ATP8A2: variants seen among roughly 807,000 people sequenced by gnomAD.
ATP8A2 encodes the protein ATPase phospholipid transporting 8A2.
A neutral mutation model predicts 165.6 loss-of-function variants in ATP8A2; 100 were observed. The observed-to-expected ratio is 0.60, with a 90% confidence interval of 0.51 to 0.71. The LOEUF (loss-of-function observed/expected upper bound fraction) is 0.71. Among genes scored for constraint, ATP8A2 ranks in the 30% least tolerant of loss-of-function variants. The pLI, the probability that ATP8A2 is intolerant of heterozygous loss-of-function variation, is 0.00. For missense variants in ATP8A2, 1,227 were observed against 1,479.5 expected (o/e 0.83, Z 2.80); for synonymous variants, 543 against 548.8 (o/e 0.99, Z 0.15).
intron 1 of ATP8A2, among the ~76,000 whole-genome samples, chr13:25,465,692 TTTC>T (rs1566153104): frequency 2.1e-3 from 38 of 18,450 alleles, no homozygotes; most frequent in Non-Finnish European, 4.3e-3. Context: ...TCTTTCTTTC[TTTC>T]TTTCTTTCTT....
At chr13:26,004,991 G>A (rs1956711491) in intron 35 of ATP8A2, among the ~76,000 whole-genome samples, 1 of 151,914 alleles carries the variant, frequency 6.6e-6, no homozygotes, top group Admixed American at 6.6e-5. Context: ...GGGTAATGCT[G>A]ACTTTGTAAA....
intron 33 of ATP8A2, among the ~76,000 whole-genome samples, chr13:25,892,105 A>G (rs1183137310): frequency 4.0e-5 from 6 of 151,410 alleles, no homozygotes; most frequent in Admixed American, 3.3e-4. Flanking sequence ...CCTCCCGAGT[A>G]ACTGGGACTA....
At chr13:25,912,476 C>A (rs981294861) in intron 33 of ATP8A2, among the ~76,000 whole-genome samples, 1 of 151,992 alleles carries the variant, frequency 6.6e-6, no homozygotes, top group African/African-American at 2.4e-5. Flanking sequence ...ATATATTATA[C>A]AGAGTAGTGA....
intron 2 of ATP8A2, among the ~76,000 whole-genome samples, chr13:25,502,773 A>G (rs1403924506): frequency 6.6e-6 from 1 of 152,176 alleles, no homozygotes; most frequent in East Asian, 1.9e-4. Flanking sequence ...TGTACTTGGC[A>G]CTGCACGATG....
chr13:25,986,019 T>G (rs548052029), intron 35 of ATP8A2, among the ~76,000 whole-genome samples: 12 of 152,312 alleles, frequency 7.9e-5, no homozygotes, highest in African/African-American at 2.6e-4. Flanking sequence ...TGCATTCAGT[T>G]TTTGGAGGAT....
At chr13:25,727,971 C>G (rs1292476390) in intron 25 of ATP8A2, among the ~76,000 whole-genome samples, 1 of 152,104 alleles carries the variant, frequency 6.6e-6, no homozygotes, top group African/African-American at 2.4e-5. Context: ...TCACGTGACC[C>G]TACTCACCTG....
At chr13:26,010,671 C>T (rs374519042) in intron 35 of ATP8A2, among the ~76,000 whole-genome samples, 1 of 152,178 alleles carries the variant, frequency 6.6e-6, no homozygotes. Context: ...GTGCCACGGG[C>T]TCACTCCTCC....
At chr13:26,004,849 G>T (rs1956708414) in intron 35 of ATP8A2, among the ~76,000 whole-genome samples, 1 of 152,044 alleles carries the variant, frequency 6.6e-6, no homozygotes, top group Non-Finnish European at 1.5e-5. Flanking sequence ...CATGACCATG[G>T]TGAATGATTC....
intron 18 of ATP8A2, among the ~76,000 whole-genome samples, chr13:25,572,285 C>T (rs531175361): frequency 5.1e-4 from 78 of 152,292 alleles, no homozygotes; most frequent in Non-Finnish European, 1.0e-3. Context: ...ACTACAGGCA[C>T]GTGCCACCAC....
Position 25,843,010 on chromosome 13 carries a change from GCTT to G in ATP8A2, c.2956+3390_2956+3392del, listed in dbSNP as rs1253555613. On this transcript the variant is annotated intron_variant, in intron 30 of 36. Coordinates refer to ENST00000381655, the MANE Select transcript of ATP8A2 (RefSeq NM_016529.6). ...GTTTGGAGAGGGTGTTTTGAAAGGA[GCTT>G]CTTTGTTTGCTGAGATTGTGGTGTA... Among the ~76,000 whole-genome samples the G allele has an allele frequency of 2.6e-5, 4 of 151,726 alleles. No individual in the cohort carries two copies. In the Admixed American group the frequency reaches 2.6e-4, roughly 10 times the overall value.
intron 1 of ATP8A2, among the ~76,000 whole-genome samples, chr13:25,391,277 A>G (rs1243372188): frequency 6.6e-6 from 1 of 152,204 alleles, no homozygotes; most frequent in Non-Finnish European, 1.5e-5. Flanking sequence ...TCATACTTCA[A>G]CCTGCAGTAA....
chr13:25,636,665 C>T (rs926615858), intron 24 of ATP8A2, among the ~76,000 whole-genome samples: 4 of 152,126 alleles, frequency 2.6e-5, no homozygotes, highest in Non-Finnish European at 5.9e-5. Context: ...CTGCTCTTCC[C>T]CTACCACAAT....
intron 24 of ATP8A2, among the ~76,000 whole-genome samples, chr13:25,684,828 A>G (rs1407666771): frequency 1.3e-5 from 2 of 152,126 alleles, no homozygotes; most frequent in Non-Finnish European, 2.9e-5. Flanking sequence ...TTTCCCACGT[A>G]TTCCTGGTGT....
At chr13:25,916,582 A>T (rs1011981112) in intron 33 of ATP8A2, among the ~76,000 whole-genome samples, 1 of 152,276 alleles carries the variant, frequency 6.6e-6, no homozygotes, top group Non-Finnish European at 1.5e-5. Context: ...CGGCTGTGCC[A>T]TGGGATCCAA....
Position 26,012,576 on chromosome 13 carries a change from GC to G in ATP8A2, c.3428del (p.Pro1143ArgfsTer49), listed in dbSNP as rs1270222033. 9.8e-6 allele frequency: 15 copies of G among 1,529,130 alleles called. No individual in the cohort carries two copies. Among genetic ancestry groups the G allele is most frequent in the Non-Finnish European group, 1.3e-5 (15 of 1,138,288 alleles). 94.7% of individuals were successfully genotyped at this position (1,529,130 alleles called of 1,614,324 possible). On this transcript the variant is annotated frameshift_variant, in exon 36 of 37. Coordinates refer to ENST00000381655, the MANE Select transcript of ATP8A2 (RefSeq NM_016529.6). LOFTEE classifies it low-confidence loss of function (END_TRUNC). ...TGATCAAGAGGCTGGGCCGGAAGAC[GC>G]CCCCGACGCTGTTCCGGGGCAGCTC... ...RLIKRLGRKT[P>X]PTLFRGSSLQ...
chr13:25,922,377 T>C (rs1443501392), intron 33 of ATP8A2, among the ~76,000 whole-genome samples: 1 of 152,198 alleles, frequency 6.6e-6, no homozygotes, highest in Non-Finnish European at 1.5e-5. Flanking sequence ...ATTGCAACCT[T>C]GTTTTAGGCA....
intron 33 of ATP8A2, among the ~76,000 whole-genome samples, chr13:25,889,930 A>T (rs566301963): frequency 6.6e-6 from 1 of 152,072 alleles, no homozygotes; most frequent in Non-Finnish European, 1.5e-5. Context: ...TGGAAGGCCA[A>T]CGCAGGCAGA....
At chr13:25,460,195 C>T (rs577596799) in intron 1 of ATP8A2, among the ~76,000 whole-genome samples, 9 of 152,194 alleles carry the variant, frequency 5.9e-5, no homozygotes, top group Non-Finnish European at 1.3e-4. Flanking sequence ...GGTGAGACTC[C>T]GTCTCAAACA....
intron 1 of ATP8A2, among the ~76,000 whole-genome samples, chr13:25,465,715 C>CTTTCTTTCTTTCTTTCT (rs2035633309): frequency 4.7e-5 from 2 of 42,292 alleles, no homozygotes; most frequent in East Asian, 5.7e-4. Flanking sequence ...TTCTTTCTTT[C>CTTTCTTTCTTTCTTTCT]TTTCTTTCTT....
Sources: allele counts gnomAD v4.1 joint callset (sites outside exome capture counted in the v4.1 genomes callset), GRCh38; gene constraint gnomAD v4.1.1; transcripts MANE v1.5; gene names NCBI Gene and HGNC (gene_info 2026-07-23, HGNC 2026-07-21).